Variants in DSCAML1 observed in about 807,000 individuals in gnomAD.
The protein encoded by DSCAML1 is DS cell adhesion molecule like 1.
In DSCAML1, 38 loss-of-function variants were observed where a neutral mutation model predicts 200.5. That is an observed-to-expected ratio of 0.19 (90% CI 0.15 to 0.25). The LOEUF (loss-of-function observed/expected upper bound fraction) is 0.25. Among genes scored for constraint, DSCAML1 ranks in the 10% least tolerant of loss-of-function variants. The pLI is 1.00. For missense variants in DSCAML1, 2,223 were observed against 2,858.8 expected, an observed-to-expected ratio of 0.78 and a Z score of 5.07; for synonymous variants, 1,215 against 1,165.0, an observed-to-expected ratio of 1.04 and a Z score of -0.87.
At chr11:117,557,918 G>C (rs1339939699) in intron 3 of DSCAML1, among the ~76,000 whole-genome samples, 6 of 152,088 alleles carry the variant, frequency 3.9e-5, no homozygotes, top group Non-Finnish European at 8.8e-5. Context: ...GGTGTGAGGA[G>C]AGAGCAGTTG....
intron 3 of DSCAML1, among the ~76,000 whole-genome samples, chr11:117,690,353 TA>T (rs1350378543): frequency 4.6e-5 from 7 of 152,224 alleles, no homozygotes; most frequent in African/African-American, 1.4e-4. Flanking sequence ...CCAGGAAGCT[TA>T]AAGCCCCAAA....
chr11:117,809,910 C>G (rs1379162594), intron 1 of DSCAML1, among the ~76,000 whole-genome samples: 1 of 145,638 alleles, frequency 6.9e-6, no homozygotes, highest in Admixed American at 6.7e-5. Context: ...CACTCACACA[C>G]ACATTCACAC....
At chr11:117,676,004 G>A (rs1365780339) in intron 3 of DSCAML1, among the ~76,000 whole-genome samples, 2 of 152,164 alleles carry the variant, frequency 1.3e-5, no homozygotes, top group African/African-American at 4.8e-5. Flanking sequence ...AAGTAGAGGA[G>A]GAAATAGCAC....
At chr11:117,814,140 G>A (rs2055783300) in intron 1 of DSCAML1, among the ~76,000 whole-genome samples, 1 of 145,392 alleles carries the variant, frequency 6.9e-6, no homozygotes. Context: ...CCCCTTCCCT[G>A]CCCACCAGAG....
chr11:117,686,528 C>G (rs1024979712), intron 3 of DSCAML1, among the ~76,000 whole-genome samples: 6 of 152,258 alleles, frequency 3.9e-5, no homozygotes, highest in Non-Finnish European at 8.8e-5. Context: ...CCCTACACTG[C>G]AGAGTCCTGG....
At chr11:117,747,267 A>T (rs892995624) in intron 3 of DSCAML1, among the ~76,000 whole-genome samples, 7 of 152,216 alleles carry the variant, frequency 4.6e-5, no homozygotes, top group Non-Finnish European at 8.8e-5. Flanking sequence ...GCAGATTTTT[A>T]AAAATTTTCT....
chr11:117,663,720 A>G (rs1186579627), intron 3 of DSCAML1, among the ~76,000 whole-genome samples: 1 of 152,088 alleles, frequency 6.6e-6, no homozygotes, highest in Non-Finnish European at 1.5e-5. Context: ...CTTGGAGCAG[A>G]GCTGTTTCCC....
At chr11:117,601,022 C>G (rs1328748890) in intron 3 of DSCAML1, among the ~76,000 whole-genome samples, 1 of 152,250 alleles carries the variant, frequency 6.6e-6, no homozygotes, top group South Asian at 2.1e-4. Context: ...CTGGATTTAT[C>G]GAACAAGATT....
At chr11:117,551,074 A>C (rs2050459377) in intron 3 of DSCAML1, among the ~76,000 whole-genome samples, 2 of 151,990 alleles carry the variant, frequency 1.3e-5, no homozygotes, top group Admixed American at 6.5e-5. Context: ...TCTTCTCAGG[A>C]TTCACCCTAC....
intron 3 of DSCAML1, among the ~76,000 whole-genome samples, chr11:117,658,381 A>G (rs753521197): frequency 2.0e-5 from 3 of 152,186 alleles, no homozygotes; most frequent in Non-Finnish European, 1.5e-5. Context: ...CTTTGGGACG[A>G]TGGAGTTCAA....
chr11:117,812,491 A>G (rs1331533450), intron 1 of DSCAML1, among the ~76,000 whole-genome samples: 1 of 151,782 alleles, frequency 6.6e-6, no homozygotes, highest in Non-Finnish European at 1.5e-5. Context: ...ACCTCCCTCC[A>G]CAATCCATTA....
At chr11:117,459,048 T>G in intron 18 of DSCAML1, 139 bp from the exon 19 acceptor site, 1 of 1,151,532 alleles carries the variant, frequency 8.7e-7, no homozygotes, top group Middle Eastern at 2.1e-4. Flanking sequence ...CTAGAGGGTC[T>G]TTCACCTCAA....
At chr11:117,662,257 T>C (rs117825472) in intron 3 of DSCAML1, among the ~76,000 whole-genome samples, 201 of 152,350 alleles carry the variant, frequency 1.3e-3, no homozygotes, top group Non-Finnish European at 2.6e-3. Flanking sequence ...AAGAGAAGGC[T>C]GAAGCAGGTG....
intron 3 of DSCAML1, among the ~76,000 whole-genome samples, chr11:117,662,076 G>A (rs2052866411): frequency 6.6e-6 from 1 of 152,230 alleles, no homozygotes; most frequent in Admixed American, 6.5e-5. Context: ...ATGCTGTCCT[G>A]GAGGAGCAGC....
intron 3 of DSCAML1, among the ~76,000 whole-genome samples, chr11:117,686,304 G>A (rs542581561): frequency 2.0e-4 from 30 of 152,296 alleles, no homozygotes; most frequent in East Asian, 1.5e-3. Flanking sequence ...TGCTCATACC[G>A]CCCTCTGTTG....
At chr11:117,468,663 C>T (rs2048629683) in intron 16 of DSCAML1, among the ~76,000 whole-genome samples, 1 of 152,174 alleles carries the variant, frequency 6.6e-6, no homozygotes, top group South Asian at 2.1e-4. Context: ...TCCAGGTATC[C>T]ACTAGGTGGG....
intron 1 of DSCAML1, among the ~76,000 whole-genome samples, chr11:117,803,312 A>T (rs920705395): frequency 6.6e-6 from 1 of 152,186 alleles, no homozygotes; most frequent in African/African-American, 2.4e-5. Context: ...GCATGGAGCC[A>T]AAAGCCAGCT....
In DSCAML1 at chr11:117,644,339, C is replaced by T. The variant is rs560290853; in HGVS notation, c.512-111817G>A. ...GGCGGGAGTGCAAAGGGGATTTCTG[C>T]GCACGGCACCTGGTTTTCCGAGCTG... is the stretch of plus-strand genomic sequence containing the variant. On this transcript the variant is annotated intron_variant, in intron 3 of 32. Coordinates refer to ENST00000651296, the MANE Select transcript of DSCAML1 (RefSeq NM_020693.4). 2.6e-5 allele frequency among the ~76,000 whole-genome samples: 4 copies of T among 152,364 alleles called. No individual in the cohort carries two copies. In the South Asian group the frequency reaches 8.3e-4, roughly 32 times the overall value.
intron 4 of DSCAML1, among the ~76,000 whole-genome samples, chr11:117,526,188 G>A (rs1019202077): frequency 3.3e-5 from 5 of 152,140 alleles, no homozygotes; most frequent in African/African-American, 1.2e-4. Flanking sequence ...ACCTCCTCCT[G>A]TTTTAAACCT....
Sources: gnomAD v4.1 joint callset for allele counts (sites outside exome capture counted in the v4.1 genomes callset) on GRCh38, gnomAD v4.1.1 for gene constraint, MANE v1.5 for transcripts, NCBI Gene and HGNC (gene_info 2026-07-23, HGNC 2026-07-21) for gene names.